Variants in ADARB2 observed in about 807,000 individuals in gnomAD.
The protein encoded by ADARB2 is adenosine deaminase RNA specific B2 (inactive), also known as inactive double-stranded RNA-specific editase B2.
In ADARB2, 25 loss-of-function variants were observed where a neutral mutation model predicts 62.2. The ratio of observed to expected loss-of-function variants is 0.40; its 90% CI spans 0.29 to 0.56. ADARB2 has a LOEUF of 0.56. Among genes scored for constraint, ADARB2 ranks in the 20% least tolerant of loss-of-function variants. The probability of loss-of-function intolerance (pLI) is 0.43; values close to 1 mark genes in which losing one functional copy is unlikely to be tolerated. For missense variants in ADARB2, 1,071 were observed against 1,077.4 expected, an observed-to-expected ratio of 0.99 and a Z score of 0.08; for synonymous variants, 572 against 500.8, an observed-to-expected ratio of 1.14 and a Z score of -1.90.
intron 8 of ADARB2, among the ~76,000 whole-genome samples, chr10:1,190,308 G>A (rs1836825534): frequency 1.3e-5 from 2 of 150,802 alleles, no homozygotes; most frequent in Admixed American, 6.6e-5. Context: ...CAAAATTCCT[G>A]TGAACCTCTG....
chr10:1,232,881 T>A (rs948199456), intron 6 of ADARB2, among the ~76,000 whole-genome samples: 1 of 150,742 alleles, frequency 6.6e-6, no homozygotes, highest in Non-Finnish European at 1.5e-5. Flanking sequence ...GGTGTGTGTG[T>A]TGTATGTGTG....
chr10:1,390,738 C>A (rs1026391196), intron 1 of ADARB2, among the ~76,000 whole-genome samples: 1 of 152,296 alleles, frequency 6.6e-6, no homozygotes, highest in Admixed American at 6.5e-5. Flanking sequence ...GTCTCAAAGA[C>A]AAAGTCCTTC....
rs1478625221 is a variant in ADARB2 at position 1,619,303 on chromosome 10, AAAAAAG to A, written c.100+117742_100+117747del. On this transcript the variant is annotated intron_variant, in intron 1 of 9. Coordinates refer to ENST00000381312, the MANE Select transcript of ADARB2 (RefSeq NM_018702.4). Reference sequence around the variant, plus strand: ...TACATTGAAAGTAAAAAAAAAAAAAAAAAAAGAAAAAATACGCACCATACAATGACT... The same window carrying A: ...TACATTGAAAGTAAAAAAAAAAAAAAAAAAAATACGCACCATACAATGACT... Among the ~76,000 whole-genome samples the A allele has an allele frequency of 2.1e-4, 21 of 100,118 alleles. No individual in the cohort carries two copies. The East Asian group carries it at 5.2e-3, about 25-fold the overall frequency. 65.7% of individuals were successfully genotyped at this position (100,118 alleles called of 152,430 possible). A position where few individuals can be genotyped will look rare whatever the true frequency, so the allele number is the denominator to read the frequency against.
At chr10:1,586,046 G>A (rs533502228) in intron 1 of ADARB2, among the ~76,000 whole-genome samples, 1 of 151,904 alleles carries the variant, frequency 6.6e-6, no homozygotes, top group Non-Finnish European at 1.5e-5. Flanking sequence ...ACAAACAAAC[G>A]AACAAAAAAC....
intron 1 of ADARB2, among the ~76,000 whole-genome samples, chr10:1,698,271 C>T (rs1834773485): frequency 6.6e-6 from 1 of 152,172 alleles, no homozygotes; most frequent in African/African-American, 2.4e-5. Flanking sequence ...AAGATGCCAC[C>T]CATTAGCAGG....
At position 1,373,352 on chromosome 10, in the gene ADARB2, G is replaced by A. The variant is rs573199579; in HGVS notation, c.187+5722C>T. On this transcript the variant is annotated intron_variant, in intron 2 of 9. Coordinates refer to ENST00000381312, the MANE Select transcript of ADARB2 (RefSeq NM_018702.4). ...CCCACCCACACACACACACACGCGCGTCTTGTTGGTAAAGGCTCCTCAGAG... is the reference window on the plus strand; with the variant it reads ...CCCACCCACACACACACACACGCGCATCTTGTTGGTAAAGGCTCCTCAGAG... 1.3e-3 allele frequency among the ~76,000 whole-genome samples: 200 copies of A among 151,906 alleles called. 2 individuals are homozygous for A. Among genetic ancestry groups the A allele is most frequent in the African/African-American group, 4.6e-3 (190 of 41,398 alleles).
chr10:1,520,030 T>C (rs778304695), intron 1 of ADARB2, among the ~76,000 whole-genome samples: 1 of 152,222 alleles, frequency 6.6e-6, no homozygotes, highest in Non-Finnish European at 1.5e-5. Context: ...CAGAAGAGGC[T>C]CTACTGAGCA....
intron 1 of ADARB2, among the ~76,000 whole-genome samples, chr10:1,487,935 G>C (rs1831564896): frequency 6.6e-6 from 1 of 152,028 alleles, no homozygotes; most frequent in Non-Finnish European, 1.5e-5. Flanking sequence ...ACAGATGAAA[G>C]GGAATTTGTT....
At chr10:1,267,388 C>T (rs980091522) in intron 4 of ADARB2, among the ~76,000 whole-genome samples, 1 of 152,168 alleles carries the variant, frequency 6.6e-6, no homozygotes, top group Non-Finnish European at 1.5e-5. Flanking sequence ...GATGATGCTT[C>T]TTGAGGAAGC....
intron 1 of ADARB2, among the ~76,000 whole-genome samples, chr10:1,727,908 C>A: frequency 6.6e-6 from 1 of 152,158 alleles, no homozygotes; most frequent in Non-Finnish European, 1.5e-5. Context: ...AAGACTCATG[C>A]CCAATACAGT....
chr10:1,666,665 C>T (rs1306497348), intron 1 of ADARB2, among the ~76,000 whole-genome samples: 2 of 152,106 alleles, frequency 1.3e-5, no homozygotes, highest in African/African-American at 2.4e-5. Context: ...GGTTCCAATC[C>T]TGATTTTTAG....
chr10:1,370,813 C>T (rs1371398008), intron 2 of ADARB2, among the ~76,000 whole-genome samples: 1 of 152,118 alleles, frequency 6.6e-6, no homozygotes, highest in Non-Finnish European at 1.5e-5. Context: ...AGACACAAAC[C>T]AATGGAAAAC....
At chr10:1,410,537 A>G (rs1318240419) in intron 1 of ADARB2, among the ~76,000 whole-genome samples, 2 of 152,192 alleles carry the variant, frequency 1.3e-5, no homozygotes, top group Admixed American at 1.3e-4. Flanking sequence ...AATTAAATCT[A>G]AAGGCCTGCT....
intron 1 of ADARB2, chr10:1,675,350 G>A (rs1283602941): frequency 1.0e-6 from 1 of 969,016 alleles, no homozygotes; most frequent in Non-Finnish European, 1.2e-6. Flanking sequence ...GGGTTTGGGG[G>A]TGCATGGATG....
chr10:1,306,259 C>A (rs932428421), intron 3 of ADARB2, among the ~76,000 whole-genome samples: 4 of 151,736 alleles, frequency 2.6e-5, no homozygotes, highest in Admixed American at 1.3e-4. Flanking sequence ...TTCCTATACA[C>A]CAACAACAGA....
intron 5 of ADARB2, chr10:1,240,328 C>CCCGGTGTTTACTCCCCTCTGCT (rs1830903122): frequency 5.0e-5 from 2 of 40,234 alleles, no homozygotes; most frequent in Non-Finnish European, 6.3e-5. Flanking sequence ...TCCCCTCTGC[C>CCCGGTGTTTACTCCCCTCTGCT]TCCCGGTGTT....
chr10:1,444,672 C>T (rs1830946484), intron 1 of ADARB2, among the ~76,000 whole-genome samples: 1 of 151,624 alleles, frequency 6.6e-6, no homozygotes, highest in Non-Finnish European at 1.5e-5. Flanking sequence ...ATTCATCCAT[C>T]CATCCATCCA....
chr10:1,454,063 C>T (rs1467931637), intron 1 of ADARB2, among the ~76,000 whole-genome samples: 1 of 152,202 alleles, frequency 6.6e-6, no homozygotes, highest in Non-Finnish European at 1.5e-5. Flanking sequence ...TTAATGGACT[C>T]ACAGTTCCAC....
At chr10:1,488,416 A>T (rs1044110032) in intron 1 of ADARB2, among the ~76,000 whole-genome samples, 2 of 152,212 alleles carry the variant, frequency 1.3e-5, no homozygotes, top group African/African-American at 4.8e-5. Flanking sequence ...GCAGGCAGAA[A>T]TCTTAATTAA....
Sources: allele counts gnomAD v4.1 joint callset (sites outside exome capture counted in the v4.1 genomes callset), GRCh38; gene constraint gnomAD v4.1.1; transcripts MANE v1.5; gene names NCBI Gene and HGNC (gene_info 2026-07-23, HGNC 2026-07-21).